RPRD2: variants seen among roughly 807,000 people sequenced by gnomAD.
The protein encoded by RPRD2 is regulation of nuclear pre-mRNA domain-containing protein 2.
In RPRD2, 12 loss-of-function variants were observed where a neutral mutation model predicts 104.4. The observed-to-expected ratio is 0.11, with a 90% CI of 0.07 to 0.19. The LOEUF is 0.19. Ranked by LOEUF, RPRD2 falls within the 10% of genes least tolerant of loss-of-function variation. The probability of loss-of-function intolerance (pLI) is 1.00; values close to 1 mark genes in which losing one functional copy is unlikely to be tolerated. For missense variants in RPRD2, 1,543 were observed against 1,790.1 expected, an observed-to-expected ratio of 0.86 and a Z score of 2.49; for synonymous variants, 714 against 684.9, an observed-to-expected ratio of 1.04 and a Z score of -0.66.
chr1:150,418,086 G>A (rs917218500), intron 2 of RPRD2, among the ~76,000 whole-genome samples: 1 of 151,988 alleles, frequency 6.6e-6, no homozygotes, highest in African/African-American at 2.4e-5. Context: ...TCTTGCCTCA[G>A]CCTCCCAAAT....
chr1:150,405,887 C>G (rs1241657412), intron 1 of RPRD2, among the ~76,000 whole-genome samples: 1 of 152,096 alleles, frequency 6.6e-6, no homozygotes, highest in Non-Finnish European at 1.5e-5. Context: ...CAGGGTATTG[C>G]AGTGTTTGTG....
At chr1:150,388,282 A>C (rs1318672885) in intron 1 of RPRD2, among the ~76,000 whole-genome samples, 3 of 151,858 alleles carry the variant, frequency 2.0e-5, no homozygotes, top group Admixed American at 6.6e-5. Context: ...AAAGTTGTGA[A>C]GATAGTACAG....
At chr1:150,464,451 A>T (rs1668135295) in intron 9 of RPRD2, 76 bp from the exon 10 acceptor site, 1 of 1,153,794 alleles carries the variant, frequency 8.7e-7, no homozygotes, top group South Asian at 1.3e-5. Flanking sequence ...TATCAAACTC[A>T]TTGAAGTGAG....
intron 1 of RPRD2, among the ~76,000 whole-genome samples, chr1:150,410,633 A>G (rs587697987): frequency 3.3e-5 from 5 of 152,320 alleles, no homozygotes; most frequent in African/African-American, 7.2e-5. Context: ...CTCTACAGGC[A>G]CACACACACT....
Position 150,417,670 on chromosome 1 carries a change from A to G in RPRD2, c.280A>G (p.Ile94Val), listed in dbSNP as rs782205127. 55 of 1,609,166 alleles carry G rather than the reference A, an allele frequency of 3.4e-5. No individual in the cohort carries two copies. The highest frequency in any genetic ancestry group is 4.2e-5 in the Non-Finnish European group (50 of 1,176,784). The change falls in exon 2 of 11, where the codon ATC becomes GTC. Residue 94 changes from isoleucine (I) to valine (V), a missense_variant. Transcript: ENST00000369068. ...ACAGAACTGTAAAAGGAAAAATGCAATCATATTCCGTGAATCATTTGCTGA... is the reference window on the plus strand; with the variant it reads ...ACAGAACTGTAAAAGGAAAAATGCAGTCATATTCCGTGAATCATTTGCTGA... ...VIQNCKRKNAIIFRESFADVL... is the reference protein window; with the variant it reads ...VIQNCKRKNAVIFRESFADVL...
chr1:150,385,291 C>T (rs1210140958), intron 1 of RPRD2, among the ~76,000 whole-genome samples: 1 of 151,672 alleles, frequency 6.6e-6, no homozygotes, highest in Non-Finnish European at 1.5e-5. Flanking sequence ...TTTAAGAGTC[C>T]ATATCTAACC....
At chr1:150,400,558 T>C (rs1662899733) in intron 1 of RPRD2, among the ~76,000 whole-genome samples, 2 of 152,166 alleles carry the variant, frequency 1.3e-5, no homozygotes, top group African/African-American at 4.8e-5. Flanking sequence ...GAGAATCTAA[T>C]GATGCCACTG....
intron 1 of RPRD2, among the ~76,000 whole-genome samples, chr1:150,369,299 G>A (rs1160647364): frequency 1.3e-5 from 2 of 151,934 alleles, no homozygotes; most frequent in Admixed American, 1.3e-4. Flanking sequence ...GGGAGGTGGG[G>A]GAGGGACAGA....
At chr1:150,369,218 A>G (rs1660078167) in intron 1 of RPRD2, among the ~76,000 whole-genome samples, 1 of 152,172 alleles carries the variant, frequency 6.6e-6, no homozygotes, top group Non-Finnish European at 1.5e-5. Context: ...AGTTGGAGGC[A>G]TATGGACTTG....
intron 1 of RPRD2, among the ~76,000 whole-genome samples, chr1:150,369,491 C>G (rs1371372269): frequency 1.9e-5 from 2 of 106,898 alleles, no homozygotes; most frequent in Non-Finnish European, 3.5e-5. Context: ...GAGTCTTGCT[C>G]TGTCGCCCAG....
chr1:150,398,836 C>G (rs904532236), intron 1 of RPRD2, among the ~76,000 whole-genome samples: 2 of 151,982 alleles, frequency 1.3e-5, no homozygotes, highest in Non-Finnish European at 2.9e-5. Context: ...AGACACCACA[C>G]CCGGCCTTAA....
At chr1:150,391,988 G>A (rs914496464) in intron 1 of RPRD2, among the ~76,000 whole-genome samples, 1 of 151,944 alleles carries the variant, frequency 6.6e-6, no homozygotes, top group Middle Eastern at 3.2e-3. Flanking sequence ...GGGCATGGTG[G>A]TGTGCTGTTA....
intron 9 of RPRD2, among the ~76,000 whole-genome samples, chr1:150,461,986 CA>C (rs1175872329): frequency 8.3e-6 from 1 of 120,414 alleles, no homozygotes; most frequent in Non-Finnish European, 1.8e-5. Context: ...CAAAAAAAAA[CA>C]AAAAACAAAA....
In RPRD2 at chr1:150,464,605, C is replaced by T. The variant is rs782701122; in HGVS notation, c.1490C>T (p.Ala497Val). 2 of 1,609,916 alleles carry T rather than the reference C, an allele frequency of 1.2e-6. No homozygotes were observed. The highest frequency in any genetic ancestry group is 1.7e-6 in the Non-Finnish European group (2 of 1,178,028). Reference sequence around the variant, plus strand: ...CTCACCAGTGGCCTGAAAACACCTGCACCTGCCACGACAACATCTCACAAC... The same window carrying T: ...CTCACCAGTGGCCTGAAAACACCTGTACCTGCCACGACAACATCTCACAAC... ...SNLTSGLKTP[A>V]PATTTSHNPL... The change falls in exon 10 of 11, where the codon GCA (alanine) becomes GTA (valine). Residue 497 changes from alanine to valine, a missense_variant. Around this residue, in one of 4 missense-constraint regions of RPRD2, gnomAD observed 572 missense variants for 787.3 expected, o/e 0.73. Transcript: ENST00000369068.
chr1:150,409,703 C>CA (rs1553887293), intron 1 of RPRD2, among the ~76,000 whole-genome samples: 1 of 135,088 alleles, frequency 7.4e-6, no homozygotes, highest in Non-Finnish European at 1.5e-5. Context: ...GGCTGAAGTG[C>CA]AGTGGCGCAA....
chr1:150,419,651 C>T (rs782399787), intron 2 of RPRD2, among the ~76,000 whole-genome samples: 5 of 152,008 alleles, frequency 3.3e-5, no homozygotes, highest in Non-Finnish European at 5.9e-5. Flanking sequence ...GATGGAGTTT[C>T]GCTCTTGTTG....
intron 1 of RPRD2, among the ~76,000 whole-genome samples, chr1:150,399,112 C>T (rs1553884807): frequency 6.6e-6 from 1 of 151,994 alleles, no homozygotes; most frequent in East Asian, 1.9e-4. Context: ...AGGGATCCTC[C>T]CACCCCATCC....
chr1:150,401,864 T>C (rs1553885486), intron 1 of RPRD2, among the ~76,000 whole-genome samples: 1 of 151,944 alleles, frequency 6.6e-6, no homozygotes, highest in Non-Finnish European at 1.5e-5. Context: ...AGGAAGGTCT[T>C]GATCTCCTGA....
intron 5 of RPRD2, among the ~76,000 whole-genome samples, chr1:150,443,605 A>C (rs1434005158): frequency 6.6e-6 from 1 of 152,224 alleles, no homozygotes; most frequent in Non-Finnish European, 1.5e-5. Context: ...GGCTATGTTT[A>C]TGTAATTAAA....
Sources: gnomAD v4.1 joint callset for allele counts (sites outside exome capture counted in the v4.1 genomes callset) on GRCh38, gnomAD v4.1.1 for gene constraint, gnomAD v4.1.1 regional missense constraint, MANE v1.5 for transcripts, NCBI Gene and HGNC (gene_info 2026-07-23, HGNC 2026-07-21) for gene names.